TRAK1: variants seen among roughly 807,000 people sequenced by gnomAD.
TRAK1 encodes the protein trafficking kinesin-binding protein 1.
A neutral mutation model predicts 92.1 loss-of-function variants in TRAK1; 33 were observed. That is an observed-to-expected ratio of 0.36 (90% confidence interval 0.27 to 0.48). The LOEUF is 0.48. Among genes scored for constraint, TRAK1 ranks in the 20% least tolerant of loss-of-function variants. The probability of loss-of-function intolerance (pLI) is 0.99; values close to 1 mark genes in which losing one functional copy is unlikely to be tolerated. For synonymous variants in TRAK1, 521 were observed against 517.3 expected (o/e 1.01, Z -0.10); for missense variants, 1,123 against 1,257.9 (o/e 0.89, Z 1.62).
chr3:42,201,008 A>C lies in TRAK1; in HGVS notation c.1381A>C (p.Asn461His). Residue 461 changes from asparagine to histidine, a missense_variant, in exon 12 of 16, where the codon AAC (asparagine) becomes CAC (histidine). Physicochemically the swap from Asn to His is moderately conservative, Grantham distance 68. Around this residue, in one of 3 missense-constraint regions of TRAK1, gnomAD observed 686 missense variants for 747.6 expected, o/e 0.92. Coordinates refer to ENST00000327628, the MANE Select transcript of TRAK1 (RefSeq NM_001042646.3). Reference sequence around the variant, plus strand: ...CGACATAGGCAACGTCGTCCTCGACAACAAGACCAACAGCATCATTCTGGA... The same window carrying C: ...CGACATAGGCAACGTCGTCCTCGACCACAAGACCAACAGCATCATTCTGGA... ...GSDIGNVVLD[N>H]KTNSIILETE... is the part of the protein sequence containing the mutation. 1 of 1,614,222 alleles carries C rather than the reference A, an allele frequency of 6.2e-7. No homozygotes were observed. Among genetic ancestry groups the C allele is most frequent in the Non-Finnish European group, 8.5e-7 (1 of 1,180,042 alleles).
At chr3:42,134,123 A>G (rs1697576338) in intron 2 of TRAK1, among the ~76,000 whole-genome samples, 1 of 151,924 alleles carries the variant, frequency 6.6e-6, no homozygotes, top group African/African-American at 2.4e-5. Flanking sequence ...GCTGGTCGGC[A>G]GTATCAGCAG....
chr3:42,118,826 G>GCTGAGCAA (rs1431814424), intron 1 of TRAK1, among the ~76,000 whole-genome samples: 2 of 152,212 alleles, frequency 1.3e-5, no homozygotes, highest in Non-Finnish European at 2.9e-5. Context: ...CATAAGAATG[G>GCTGAGCAA]TAGGTATTGG....
In TRAK1 at chr3:42,220,574, C is replaced by T. The variant is rs74395004; in HGVS notation, c.2066+978C>T. On this transcript the variant is annotated intron_variant, in intron 15 of 15. Transcript: ENST00000327628. ...GAGATATAGGGCAGAGAGTCTGAGC[C>T]CACGGGCGAGGCAGGGGGTGAGCAC... The T allele has an allele frequency of 0.013, 12,715 of 985,378 alleles. 98 individuals are homozygous for T. Among genetic ancestry groups the T allele is most frequent in the Non-Finnish European group, 0.015 (12,077 of 829,910 alleles). The allele number at this position is 985,378 out of a possible 1,614,324, so 61.0% of individuals were successfully genotyped here.
At chr3:42,135,835 C>G (rs547624297) in intron 2 of TRAK1, among the ~76,000 whole-genome samples, 1 of 152,302 alleles carries the variant, frequency 6.6e-6, no homozygotes, top group South Asian at 2.1e-4. Context: ...TGGCTGTTGC[C>G]TCTCTGCAGG....
At chr3:42,193,686 A>G in intron 8 of TRAK1, 138 bp from the exon 9 acceptor site, 2 of 953,322 alleles carry the variant, frequency 2.1e-6, no homozygotes, top group Non-Finnish European at 3.4e-6. Context: ...AAAATAATAT[A>G]AAAAGCAGAA....
At chr3:42,081,414 T>A (rs774255446) in intron 1 of TRAK1, among the ~76,000 whole-genome samples, 47 of 152,224 alleles carry the variant, frequency 3.1e-4, no homozygotes, top group Non-Finnish European at 5.4e-4. Context: ...CAGGGGATCC[T>A]CAGAGTCATT....
intron 1 of TRAK1, among the ~76,000 whole-genome samples, chr3:42,057,949 A>C (rs1251322870): frequency 6.6e-6 from 1 of 152,228 alleles, no homozygotes; most frequent in Admixed American, 6.5e-5. Flanking sequence ...TGTAAACCTG[A>C]ACATGTCATT....
Position 42,110,094 on chromosome 3 carries a change from G to GTGTATATATATATATATA in TRAK1, c.92-15325_92-15324insGTATATATATATATATAT, listed in dbSNP as rs1417746436. 1.1e-3 allele frequency among the ~76,000 whole-genome samples: 90 copies of GTGTATATATATATATATA among 83,228 alleles called. 2 individuals are homozygous for GTGTATATATATATATATA. The highest frequency in any genetic ancestry group is 1.6e-3 in the Non-Finnish European group (69 of 43,220). The allele number at this position is 83,228 out of a possible 152,430, so 54.6% of individuals were successfully genotyped here. Reference sequence around the variant, plus strand: ...GTGCACATGTACCCTAGAACTTAAAGTATATATATATATATATATATATAT... The same window carrying GTGTATATATATATATATA: ...GTGCACATGTACCCTAGAACTTAAAGTGTATATATATATATATATATATATATATATATATATATATAT... On this transcript the variant is annotated intron_variant, in intron 1 of 15. Coordinates refer to ENST00000327628, the MANE Select transcript of TRAK1 (RefSeq NM_001042646.3).
At chr3:42,049,348 T>C (rs1702891815) in intron 1 of TRAK1, among the ~76,000 whole-genome samples, 1 of 151,998 alleles carries the variant, frequency 6.6e-6, no homozygotes, top group Non-Finnish European at 1.5e-5. Context: ...CTCTGAAAGC[T>C]TTTAGAAATA....
chr3:42,043,619 G>A (rs867975399), intron 1 of TRAK1, among the ~76,000 whole-genome samples: 20 of 151,474 alleles, frequency 1.3e-4, no homozygotes, highest in East Asian at 7.8e-4. Context: ...TGGAGCTGGG[G>A]GGGGGGCGGG....
rs907353512 is a variant in TRAK1 at position 42,224,923 on chromosome 3, CACA to C, written c.*1191_*1193del. 8 of 152,322 alleles carry C rather than the reference CACA, an allele frequency of 5.3e-5. No individual in the cohort carries two copies. Among genetic ancestry groups the C allele is most frequent in the South Asian group, 2.1e-4 (1 of 4,826 alleles). 9.4% of individuals were successfully genotyped at this position (152,322 alleles called of 1,614,324 possible). A position where few individuals can be genotyped will look rare whatever the true frequency, so the allele number is the denominator to read the frequency against. ...TTCTTGTTTCAGAACAGCACATGGT[CACA>C]ACAAGATATTTTCTTTCCCTCCAAA... On this transcript the variant is annotated 3_prime_UTR_variant, in exon 16 of 16. Transcript: ENST00000327628.
chr3:42,217,818 C>A (rs561493987), intron 14 of TRAK1: 1 of 985,256 alleles, frequency 1.0e-6, no homozygotes, highest in Non-Finnish European at 1.2e-6. Flanking sequence ...GGAAGAGAAT[C>A]GTGATTGTTT....
intron 2 of TRAK1, among the ~76,000 whole-genome samples, chr3:42,176,229 T>TA (rs1372104441): frequency 2.6e-5 from 4 of 152,198 alleles, no homozygotes; most frequent in African/African-American, 9.7e-5. Flanking sequence ...TTAATGTATA[T>TA]TTAAAAAATA....
intron 2 of TRAK1, among the ~76,000 whole-genome samples, chr3:42,157,748 G>A (rs896305065): frequency 1.3e-5 from 2 of 152,152 alleles, no homozygotes; most frequent in Non-Finnish European, 2.9e-5. Flanking sequence ...CCTGGCCGTT[G>A]AATAAAACAC....
chr3:42,149,700 C>A, intron 2 of TRAK1: 1 of 1,449,818 alleles, frequency 6.9e-7, no homozygotes, highest in Non-Finnish European at 9.3e-7. Context: ...AGGCGGCTGG[C>A]GGGTGGGAGG....
At chr3:42,170,933 C>T (rs2149341409) in intron 2 of TRAK1, among the ~76,000 whole-genome samples, 1 of 151,870 alleles carries the variant, frequency 6.6e-6, no homozygotes, top group South Asian at 2.1e-4. Flanking sequence ...ACACCATTCT[C>T]CTGCCTCAGC....
At chr3:42,073,967 G>A (rs542520177) in intron 1 of TRAK1, among the ~76,000 whole-genome samples, 5 of 152,306 alleles carry the variant, frequency 3.3e-5, no homozygotes, top group Middle Eastern at 3.4e-3. Context: ...CAGTCTCAGC[G>A]AGTCTTTGCT....
intron 2 of TRAK1, among the ~76,000 whole-genome samples, chr3:42,169,734 A>G (rs1407411080): frequency 2.6e-5 from 4 of 152,052 alleles, no homozygotes; most frequent in Non-Finnish European, 5.9e-5. Context: ...TCTGGCAGAG[A>G]TAAGTGGGCA....
rs1184974626 is a variant in TRAK1, at chr3:42,222,854, C to CT, written c.2067-87dup. On this transcript the variant is annotated intron_variant, in intron 15 of 15. Transcript: ENST00000327628. The stretch of plus-strand genomic sequence containing the variant: ...CCTCTCATCGTGTCCTGGGTCGTCC[C>CT]TACCCCCCCTGCAGGAAACTGGCCA... 5 of 1,467,410 alleles carry CT rather than the reference C, an allele frequency of 3.4e-6. No homozygotes were observed. In the African/African-American group the frequency reaches 7.0e-5, roughly 20 times the overall value. 90.9% of individuals were successfully genotyped at this position (1,467,410 alleles called of 1,614,324 possible). A position where few individuals can be genotyped will look rare whatever the true frequency, so the allele number is the denominator to read the frequency against.
Sources: gnomAD v4.1 joint callset for allele counts (sites outside exome capture counted in the v4.1 genomes callset) on GRCh38, gnomAD v4.1.1 for gene constraint, gnomAD v4.1.1 regional missense constraint, MANE v1.5 for transcripts, NCBI Gene and HGNC (gene_info 2026-07-23, HGNC 2026-07-21) for gene names.